DPYD: variants seen among roughly 807,000 people sequenced by gnomAD.
DPYD encodes dihydropyrimidine dehydrogenase [NADP(+)].
DPYD carries 109 observed loss-of-function variants against 116.2 expected under a neutral mutation model. That is an observed-to-expected ratio of 0.94 (90% CI 0.80 to 1.10). DPYD has a LOEUF of 1.10. Ranked by LOEUF, DPYD falls within the 50% of genes least tolerant of loss-of-function variation. The pLI is 0.00. For missense variants in DPYD, 1,302 were observed against 1,254.5 expected (o/e 1.04, Z -0.57); for synonymous variants, 440 against 432.0 (o/e 1.02, Z -0.23).
chr1:97,870,171 G>C (rs558664579), intron 2 of DPYD, among the ~76,000 whole-genome samples: 1 of 151,708 alleles, frequency 6.6e-6, no homozygotes, highest in Non-Finnish European at 1.5e-5. Context: ...TGGGGAATAG[G>C]TTAGTAAAAT....
Position 97,918,026 on chromosome 1 carries a change from C to G in DPYD, c.39+2858G>C, listed in dbSNP as rs72981741. Among the ~76,000 whole-genome samples, 1,416 of 152,146 alleles carry G rather than the reference C, an allele frequency of 9.3e-3. 30 individuals are homozygous for G. The highest frequency in any genetic ancestry group is 0.032 in the African/African-American group (1,317 of 41,502). ...AATACTAACCTTCTTTGAAACCATC[C>G]CAGGAGAGTTTGTATTAAAGTCATC... On this transcript the variant is annotated intron_variant, in intron 1 of 22. Coordinates refer to ENST00000370192, the MANE Select transcript of DPYD (RefSeq NM_000110.4).
At position 97,098,500 on chromosome 1, in the gene DPYD, G is replaced by T; in HGVS notation, c.2755C>A (p.Pro919Thr). Residue 919 changes from proline to threonine, a missense_variant, in exon 21 of 23, where the codon CCT (proline) becomes ACT (threonine). Transcript: ENST00000370192. The stretch of plus-strand genomic sequence containing the variant: ...GGCATAATTTTTACCTTGATGGTAG[G>T]AATAGGCCTTTTGGGGATAAAACAG... ...RNCFIPKRPIPTIKDVIGKAL... is the reference protein window; with the variant it reads ...RNCFIPKRPITTIKDVIGKAL... 6.2e-7 allele frequency: 1 copy of T among 1,612,782 alleles called. No homozygotes were observed. The highest frequency in any genetic ancestry group is 8.5e-7 in the Non-Finnish European group (1 of 1,179,220).
intron 1 of DPYD, among the ~76,000 whole-genome samples, chr1:97,903,539 C>G (rs1254044845): frequency 6.6e-6 from 1 of 151,800 alleles, no homozygotes; most frequent in Non-Finnish European, 1.5e-5. Flanking sequence ...ATGGACAACG[C>G]TAAGTAAATG....
chr1:97,594,161 AT>A (rs1467595563), intron 9 of DPYD, among the ~76,000 whole-genome samples: 2 of 152,154 alleles, frequency 1.3e-5, no homozygotes, highest in African/African-American at 4.8e-5. Context: ...AATTACTATA[AT>A]TTTTTAAATG....
chr1:97,643,168 T>G (rs1347257210), intron 8 of DPYD, among the ~76,000 whole-genome samples: 1 of 152,106 alleles, frequency 6.6e-6, no homozygotes, highest in Non-Finnish European at 1.5e-5. Context: ...TAGGAGAATT[T>G]TTTTGTAATC....
At chr1:97,426,420 A>C (rs1424012895) in intron 14 of DPYD, among the ~76,000 whole-genome samples, 2 of 152,118 alleles carry the variant, frequency 1.3e-5, no homozygotes, top group Admixed American at 1.3e-4. Flanking sequence ...GGTCTCATGA[A>C]TATTTGGGGG....
At chr1:97,544,788 G>T (rs1018378224) in intron 12 of DPYD, among the ~76,000 whole-genome samples, 3 of 151,680 alleles carry the variant, frequency 2.0e-5, no homozygotes, top group African/African-American at 7.3e-5. Context: ...TCTATAAATG[G>T]ATTTAAATAT....
chr1:97,462,764 G>A (rs560208497), intron 13 of DPYD, among the ~76,000 whole-genome samples: 1 of 152,266 alleles, frequency 6.6e-6, no homozygotes, highest in Non-Finnish European at 1.5e-5. Context: ...GTCTCTTGTG[G>A]GGAAAATCTA....
chr1:97,085,884 G>T (rs957323487), intron 21 of DPYD, among the ~76,000 whole-genome samples: 1 of 152,152 alleles, frequency 6.6e-6, no homozygotes, highest in Non-Finnish European at 1.5e-5. Context: ...GTTATATGTA[G>T]ATATGTATGT....
At chr1:97,589,939 G>A (rs1231765905) in intron 10 of DPYD, among the ~76,000 whole-genome samples, 1 of 152,192 alleles carries the variant, frequency 6.6e-6, no homozygotes, top group Admixed American at 6.5e-5. Context: ...GTAGGAGAAA[G>A]AAGACAATTA....
At chr1:97,338,081 CAG>C (rs1304128544) in intron 16 of DPYD, among the ~76,000 whole-genome samples, 1 of 152,094 alleles carries the variant, frequency 6.6e-6, no homozygotes, top group Admixed American at 6.6e-5. Flanking sequence ...CTATTTGTTA[CAG>C]AGTTTTATAC....
At chr1:97,678,992 A>G (rs1660294870) in intron 8 of DPYD, 103 bp downstream of exon 8, 2 of 526,054 alleles carry the variant, frequency 3.8e-6, no homozygotes, top group Non-Finnish European at 6.5e-6. Context: ...GAACAAATAT[A>G]ACTTTCATCA....
Position 97,306,165 on chromosome 1 carries a change from T to C in DPYD, c.2179+12A>G. ...TACAATAGCGGGCAACTGATTCAAG[T>C]CAAGTTCTTACCTTCCTTTGCAGCT... On this transcript the variant is annotated intron_variant, in intron 17 of 22. Coordinates refer to ENST00000370192, the MANE Select transcript of DPYD (RefSeq NM_000110.4). 1 of 1,612,160 alleles carries C rather than the reference T, an allele frequency of 6.2e-7. No homozygotes were observed. Among genetic ancestry groups the C allele is most frequent in the Non-Finnish European group, 8.5e-7 (1 of 1,178,636 alleles).
chr1:97,722,649 C>T (rs1662986595), intron 4 of DPYD, among the ~76,000 whole-genome samples: 1 of 151,512 alleles, frequency 6.6e-6, no homozygotes, highest in Admixed American at 6.6e-5. Context: ...TTTTGAAGGT[C>T]TTTGAAAGCA....
At chr1:97,109,643 A>C (rs1328899557) in intron 20 of DPYD, among the ~76,000 whole-genome samples, 3 of 152,092 alleles carry the variant, frequency 2.0e-5, no homozygotes, top group Non-Finnish European at 2.9e-5. Context: ...GATACCTAAT[A>C]TCCTCCTATG....
intron 19 of DPYD, among the ~76,000 whole-genome samples, chr1:97,233,809 C>A (rs1661732035): frequency 6.6e-6 from 1 of 152,146 alleles, no homozygotes; most frequent in African/African-American, 2.4e-5. Context: ...CTTCTTATAT[C>A]ATCAGTTTTA....
chr1:97,174,652 T>TA (rs756091919), intron 20 of DPYD, among the ~76,000 whole-genome samples: 7 of 152,312 alleles, frequency 4.6e-5, no homozygotes, highest in African/African-American at 7.2e-5. Context: ...AATTTGGGCA[T>TA]AAAAAATGTC....
chr1:97,191,160 C>A (rs540911296), intron 20 of DPYD, among the ~76,000 whole-genome samples: 4 of 151,450 alleles, frequency 2.6e-5, no homozygotes, highest in South Asian at 4.2e-4. Flanking sequence ...TGCACATGTA[C>A]CCTAGAACTT....
intron 20 of DPYD, among the ~76,000 whole-genome samples, chr1:97,148,265 G>T: frequency 6.6e-6 from 1 of 151,298 alleles, no homozygotes; most frequent in Non-Finnish European, 1.5e-5. Context: ...GGGGGGGTGT[G>T]TGTGTTCTTT....
Sources: allele counts gnomAD v4.1 joint callset (sites outside exome capture counted in the v4.1 genomes callset), GRCh38; gene constraint gnomAD v4.1.1; transcripts MANE v1.5; gene names NCBI Gene and HGNC (gene_info 2026-07-23, HGNC 2026-07-21).